PLEKHA2: variants seen among roughly 807,000 people sequenced by gnomAD.
PLEKHA2 encodes pleckstrin homology domain-containing family A member 2.
In PLEKHA2, 28 loss-of-function variants were observed where a neutral mutation model predicts 53.2. The observed-to-expected ratio is 0.53, with a 90% confidence interval of 0.39 to 0.72. PLEKHA2 has a LOEUF of 0.72. Among genes scored for constraint, PLEKHA2 ranks in the 30% least tolerant of loss-of-function variants. The probability of loss-of-function intolerance (pLI) is 0.00; values close to 1 mark genes in which losing one functional copy is unlikely to be tolerated. For missense variants in PLEKHA2, 426 were observed against 537.9 expected, an observed-to-expected ratio of 0.79 and a Z score of 2.06; for synonymous variants, 193 against 196.4, an observed-to-expected ratio of 0.98 and a Z score of 0.14.
intron 9 of PLEKHA2, among the ~76,000 whole-genome samples, chr8:38,954,719 C>T (rs1041445286): frequency 1.3e-5 from 2 of 151,918 alleles, no homozygotes; most frequent in Admixed American, 6.6e-5. Flanking sequence ...AGCCTGGTGC[C>T]GTTTTAAAAA....
chr8:38,927,501 G>C (rs1201492893), intron 2 of PLEKHA2, among the ~76,000 whole-genome samples: 2 of 151,998 alleles, frequency 1.3e-5, no homozygotes, highest in Non-Finnish European at 2.9e-5. Flanking sequence ...GCAAGACCCT[G>C]TCTCAAAAAA....
chr8:38,949,291 G>A (rs1435689115), intron 5 of PLEKHA2, among the ~76,000 whole-genome samples: 4 of 151,628 alleles, frequency 2.6e-5, no homozygotes, highest in Non-Finnish European at 5.9e-5. Context: ...TAGTATAAAT[G>A]AGTGAAGTGG....
In PLEKHA2 at chr8:38,973,382, C is replaced by T. The variant is rs1835287900; in HGVS notation, c.*3599C>T. On this transcript the variant is annotated 3_prime_UTR_variant, in exon 12 of 12. Transcript: ENST00000617275. ...TTATATTTCTGAATATAAATATACT[C>T]TTATATGGGCTAAAAAGACCCCATG... The T allele has an allele frequency of 6.6e-6, 1 of 151,740 alleles. No homozygotes were observed. The highest frequency in any genetic ancestry group is 2.1e-4 in the South Asian group (1 of 4,790). The allele number at this position is 151,740 out of a possible 1,614,324, so 9.4% of individuals were successfully genotyped here.
chr8:38,928,384 G>T (rs1482159980), intron 2 of PLEKHA2, among the ~76,000 whole-genome samples: 2 of 151,878 alleles, frequency 1.3e-5, no homozygotes, highest in African/African-American at 4.8e-5. Context: ...GGATACCTGG[G>T]ATTAAAGGTG....
chr8:38,932,845 T>A (rs1053030367), intron 2 of PLEKHA2, among the ~76,000 whole-genome samples: 13 of 152,188 alleles, frequency 8.5e-5, no homozygotes, highest in Admixed American at 2.0e-4. Context: ...TGGCTTCTCC[T>A]GGTGGAGAGG....
chr8:38,917,753 G>A (rs755288657), intron 1 of PLEKHA2, among the ~76,000 whole-genome samples, 154 bp from the exon 2 acceptor site: 1 of 152,134 alleles, frequency 6.6e-6, no homozygotes, highest in Non-Finnish European at 1.5e-5. Context: ...CTTAACATTG[G>A]GAGAGGTTTC....
In PLEKHA2 at chr8:38,970,066, C is replaced by A. The variant is rs1489646521; in HGVS notation, c.*283C>A. 1.9e-6 allele frequency: 1 copy of A among 527,462 alleles called. No individual in the cohort carries two copies. Among genetic ancestry groups the A allele is most frequent in the Admixed American group, 3.8e-5 (1 of 26,204 alleles). 32.7% of individuals were successfully genotyped at this position (527,462 alleles called of 1,614,324 possible). ...TGGAGAGGAAGCTACCTATTCTATTCTAACTATTCTGAGGTCTTCCTGGAG... is the reference window on the plus strand; with the variant it reads ...TGGAGAGGAAGCTACCTATTCTATTATAACTATTCTGAGGTCTTCCTGGAG... On this transcript the variant is annotated 3_prime_UTR_variant, in exon 12 of 12. Coordinates refer to ENST00000617275, the MANE Select transcript of PLEKHA2 (RefSeq NM_021623.2).
intron 1 of PLEKHA2, among the ~76,000 whole-genome samples, chr8:38,914,965 CTG>C (rs1834010384): frequency 6.9e-6 from 1 of 145,440 alleles, no homozygotes; most frequent in Non-Finnish European, 1.5e-5. Flanking sequence ...TCCTCTTCTT[CTG>C]ACAGGGTCTC....
chr8:38,968,528 G>C, intron 10 of PLEKHA2, 64 bp from the exon 11 acceptor site: 2 of 1,509,582 alleles, frequency 1.3e-6, no homozygotes, highest in Non-Finnish European at 1.8e-6. Context: ...TATTGAGTCA[G>C]AGACTTGGAA....
chr8:38,903,794 G>A (rs764082571), intron 1 of PLEKHA2, among the ~76,000 whole-genome samples: 7 of 152,150 alleles, frequency 4.6e-5, no homozygotes, highest in African/African-American at 1.4e-4. Context: ...TCTGATTCAC[G>A]GAAACTGCTG....
chr8:38,939,121 C>T (rs1224422101), intron 3 of PLEKHA2, among the ~76,000 whole-genome samples: 2 of 152,060 alleles, frequency 1.3e-5, no homozygotes, highest in Non-Finnish European at 2.9e-5. Flanking sequence ...CCAGGCTGGT[C>T]TCGAACTCCT....
intron 10 of PLEKHA2, among the ~76,000 whole-genome samples, chr8:38,967,664 CTT>C (rs1300367568): frequency 9.9e-5 from 14 of 141,930 alleles, no homozygotes; most frequent in Non-Finnish European, 1.2e-4. Context: ...CCTTTGCTCA[CTT>C]TTTTTTTTTT....
At chr8:38,917,794 C>A (rs1834086994) in intron 1 of PLEKHA2, 113 bp from the exon 2 acceptor site, 3 of 1,232,034 alleles carry the variant, frequency 2.4e-6, no homozygotes, top group African/African-American at 1.5e-5. Flanking sequence ...TTGGTGCCCC[C>A]ACGGAAGGAA....
In PLEKHA2 at chr8:38,973,592, C is replaced by A. The variant is rs1835291770; in HGVS notation, c.*3809C>A. ...AAATCTTGTCTGCCAGCACCCTTTT[C>A]TTCCTTTGTTCCTTTTCCTCTCTGT... On this transcript the variant is annotated 3_prime_UTR_variant, in exon 12 of 12. Coordinates refer to ENST00000617275, the MANE Select transcript of PLEKHA2 (RefSeq NM_021623.2). The A allele has an allele frequency of 6.6e-6, 1 of 150,786 alleles. No individual in the cohort carries two copies. Among genetic ancestry groups the A allele is most frequent in the Non-Finnish European group, 1.5e-5 (1 of 67,832 alleles). 9.3% of individuals were successfully genotyped at this position (150,786 alleles called of 1,614,324 possible). A position where few individuals can be genotyped will look rare whatever the true frequency, so the allele number is the denominator to read the frequency against.
chr8:38,966,020 G>A (rs1454576422), intron 10 of PLEKHA2, among the ~76,000 whole-genome samples: 3 of 152,068 alleles, frequency 2.0e-5, no homozygotes, highest in Non-Finnish European at 2.9e-5. Context: ...TTTTTCTTGG[G>A]AAACCACCAG....
At chr8:38,936,183 C>A in intron 3 of PLEKHA2, 133 bp downstream of exon 3, 1 of 933,334 alleles carries the variant, frequency 1.1e-6, no homozygotes, top group Non-Finnish European at 1.7e-6. Context: ...CCCCTGAACC[C>A]ACACAATGCC....
At chr8:38,948,865 GTTT>G (rs963937192) in intron 5 of PLEKHA2, among the ~76,000 whole-genome samples, 2 of 151,602 alleles carry the variant, frequency 1.3e-5, no homozygotes, top group Admixed American at 6.6e-5. Context: ...ACATTCAGCT[GTTT>G]TTTTGTTTTG....
In PLEKHA2 at chr8:38,969,417, A is replaced by G; in HGVS notation, c.916-4A>G. The G allele has an allele frequency of 6.2e-7, 1 of 1,600,072 alleles. No individual in the cohort carries two copies. The highest frequency in any genetic ancestry group is 8.5e-7 in the Non-Finnish European group (1 of 1,176,726). On this transcript the variant is annotated splice_polypyrimidine_tract_variant and splice_region_variant and intron_variant, in intron 11 of 11. Coordinates refer to ENST00000617275, the MANE Select transcript of PLEKHA2 (RefSeq NM_021623.2). Reference sequence around the variant, plus strand: ...TTGTCTTTTTCTTCCTTTTATTTTTATAGGAAACGTCCTTTTCTAGATCCA... The same window carrying G: ...TTGTCTTTTTCTTCCTTTTATTTTTGTAGGAAACGTCCTTTTCTAGATCCA...
At chr8:38,955,179 C>T (rs1834916144) in intron 9 of PLEKHA2, among the ~76,000 whole-genome samples, 4 of 152,126 alleles carry the variant, frequency 2.6e-5, no homozygotes, top group Non-Finnish European at 5.9e-5. Context: ...CCACGGTGCC[C>T]AAATGCATAG....
Sources: allele counts gnomAD v4.1 joint callset (sites outside exome capture counted in the v4.1 genomes callset), GRCh38; gene constraint gnomAD v4.1.1; transcripts MANE v1.5; gene names NCBI Gene and HGNC (gene_info 2026-07-23, HGNC 2026-07-21).